The following NOTCH2 variants were observed in gnomAD, a reference collection of about 807,000 sequenced individuals.
NOTCH2 encodes the protein notch receptor 2.
In NOTCH2, 29 loss-of-function variants were observed where a neutral mutation model predicts 235.8. The ratio of observed to expected loss-of-function variants is 0.12; its 90% CI spans 0.09 to 0.17. The LOEUF is 0.17. NOTCH2 is among the 10% of genes least tolerant of loss of function. The probability of loss-of-function intolerance (pLI) is 1.00; values close to 1 mark genes in which losing one functional copy is unlikely to be tolerated. For missense variants in NOTCH2, 2,285 were observed against 3,150.2 expected (o/e 0.73, Z 6.57); for synonymous variants, 1,086 against 1,141.5 (o/e 0.95, Z 0.98).
chr1:120,063,959 G>A (rs1210098529), intron 1 of NOTCH2, among the ~76,000 whole-genome samples: 3 of 152,264 alleles, frequency 2.0e-5, no homozygotes, highest in East Asian at 3.9e-4. Flanking sequence ...CTTTACCTGA[G>A]CAATCACCTC....
chr1:119,938,039 T>A (rs1233739186), intron 19 of NOTCH2, 29 bp from the exon 20 acceptor site: 8 of 1,609,562 alleles, frequency 5.0e-6, no homozygotes, highest in Non-Finnish European at 6.8e-6. Context: ...TGTACATACA[T>A]CAAAATTCAA....
At chr1:119,939,264 T>C (rs1313648966) in intron 19 of NOTCH2, among the ~76,000 whole-genome samples, 1 of 152,144 alleles carries the variant, frequency 6.6e-6, no homozygotes, top group African/African-American at 2.4e-5. Flanking sequence ...CCTGCTGTAG[T>C]CTAATTCCTC....
At chr1:119,954,976 G>C in intron 13 of NOTCH2, 64 bp downstream of exon 13, 2 of 1,546,750 alleles carry the variant, frequency 1.3e-6, no homozygotes, top group South Asian at 1.1e-5. Flanking sequence ...GCTGTCACCA[G>C]TACTACAAGC....
intron 11 of NOTCH2, among the ~76,000 whole-genome samples, chr1:119,962,757 T>C (rs1268347619): frequency 6.6e-6 from 1 of 152,236 alleles, no homozygotes; most frequent in African/African-American, 2.4e-5. Flanking sequence ...TTGGTTAATC[T>C]TCCACTAATA....
chr1:119,941,574 C>G lies in NOTCH2; in HGVS notation c.2933G>C (p.Gly978Ala). The change falls in exon 18 of 34, where the codon GGA becomes GCA. Residue 978 changes from glycine (G) to alanine (A), a missense_variant. This residue lies in a region of NOTCH2 where 1,173 missense variants were observed against 1,515.3 expected (regional missense o/e 0.77). Transcript: ENST00000256646. ...VNSYTCKCQA[G>A]FDGVHCENNI... is the part of the protein sequence containing the mutation. ...GTTCTCACAATGGACTCCATCAAATCCTGCCTGGCACTTGCAAGTGTAACT... is the reference window on the plus strand; with the variant it reads ...GTTCTCACAATGGACTCCATCAAATGCTGCCTGGCACTTGCAAGTGTAACT... 6.2e-7 allele frequency: 1 copy of G among 1,614,212 alleles called. No homozygotes were observed. The highest frequency in any genetic ancestry group is 8.5e-7 in the Non-Finnish European group (1 of 1,180,036).
chr1:120,062,949 G>A (rs587710700), intron 1 of NOTCH2, among the ~76,000 whole-genome samples: 9 of 152,170 alleles, frequency 5.9e-5, no homozygotes, highest in Admixed American at 2.6e-4. Context: ...AGACCACAAC[G>A]TATGTTCTGC....
Position 119,925,324 on chromosome 1 carries a change from C to T in NOTCH2, c.4492G>A (p.Gly1498Arg). The part of the protein sequence containing the change: ...ECLFDNFECQ[G>R]NSKTCKYDKY... ...CCTTACTTGCATGTCTTGCTGTTCC[C>T]CTGGCATTCAAAGTTGTCAAACAGG... Residue 1498 changes from glycine (G) to arginine (R), a missense_variant, in exon 25 of 34, where the codon GGG becomes AGG. Coordinates refer to ENST00000256646, the MANE Select transcript of NOTCH2 (RefSeq NM_024408.4). 1 of 1,613,944 alleles carries T rather than the reference C, an allele frequency of 6.2e-7. No homozygotes were observed. The highest frequency in any genetic ancestry group is 8.5e-7 in the Non-Finnish European group (1 of 1,180,040).
intron 1 of NOTCH2, among the ~76,000 whole-genome samples, chr1:120,041,041 C>CAA (rs71586698): frequency 0.018 from 288 of 15,640 alleles, 24 homozygotes; most frequent in Non-Finnish European, 0.026. Flanking sequence ...ACTCTGCCTG[C>CAA]AAAAAAAAAA....
intron 4 of NOTCH2, 120 bp from the exon 5 acceptor site, chr1:119,987,202 C>T (rs1652053596): frequency 1.7e-6 from 2 of 1,158,228 alleles, no homozygotes; most frequent in Non-Finnish European, 2.5e-6. Context: ...TCAACAGCTG[C>T]TCACCCAGGA....
chr1:119,981,430 T>C (rs1444911124), intron 5 of NOTCH2, among the ~76,000 whole-genome samples: 4 of 152,204 alleles, frequency 2.6e-5, no homozygotes, highest in Non-Finnish European at 4.4e-5. Context: ...ATATATTCCA[T>C]GTAGTAGTTG....
Position 119,980,357 on chromosome 1 carries a change from A to G in NOTCH2, c.874+6603T>C, listed in dbSNP as rs984030688. Among the ~76,000 whole-genome samples the G allele has an allele frequency of 5.3e-5, 8 of 152,238 alleles. No individual in the cohort carries two copies. The South Asian group carries it at 1.7e-3, about 32-fold the overall frequency. On this transcript the variant is annotated intron_variant, in intron 5 of 33. Transcript: ENST00000256646. ...TCCCAATAATCCACTTCATTAGCCA[A>G]CGCCCTTTGAGCTGCCTTACTCTTA...
chr1:119,950,981 T>C, intron 14 of NOTCH2, 144 bp from the exon 15 acceptor site: 1 of 701,576 alleles, frequency 1.4e-6, no homozygotes, highest in Non-Finnish European at 2.6e-6. Context: ...TGTTCATTCA[T>C]TTCAGCCCCA....
intron 3 of NOTCH2, among the ~76,000 whole-genome samples, chr1:120,004,182 C>T (rs375724393): frequency 0.013 from 1,940 of 152,102 alleles, 18 homozygotes; most frequent in Non-Finnish European, 0.019. Context: ...TGAGAGATAA[C>T]ATGGCCCTCA....
At chr1:120,039,031 T>G (rs1317300035) in intron 1 of NOTCH2, among the ~76,000 whole-genome samples, 1 of 148,092 alleles carries the variant, frequency 6.8e-6, no homozygotes, top group African/African-American at 2.6e-5. Context: ...GGAAAATTCA[T>G]TGTATAGTAT....
rs1262243342 is a variant in NOTCH2 at position 119,923,934 on chromosome 1, C to T, written c.4562G>A (p.Gly1521Glu). ...CCAACCACACTCCTCACTGTTGCAC[C>T]CCTGGTCACAGTGGTTGTCTTTGAA... ...DHFKDNHCDQ[G>E]CNSEECGWDG... The change falls in exon 26 of 34, where the codon GGG (glycine) becomes GAG (glutamate). Residue 1521 changes from glycine (G) to glutamate (E), a missense_variant. By Grantham distance (98) the Gly-to-Glu change is moderately conservative. Around this residue, in one of 6 missense-constraint regions of NOTCH2, gnomAD observed 1,173 missense variants for 1,515.3 expected, o/e 0.77. Coordinates refer to ENST00000256646, the MANE Select transcript of NOTCH2 (RefSeq NM_024408.4). The T allele has an allele frequency of 4.3e-6, 7 of 1,614,136 alleles. No individual in the cohort carries two copies. The highest frequency in any genetic ancestry group is 5.1e-6 in the Non-Finnish European group (6 of 1,180,028).
intron 2 of NOTCH2, among the ~76,000 whole-genome samples, chr1:120,006,285 TA>T (rs1652973104): frequency 6.6e-6 from 1 of 152,076 alleles, no homozygotes; most frequent in Non-Finnish European, 1.5e-5. Context: ...TTTAACCAAA[TA>T]AAAAGGCACA....
At chr1:120,001,841 G>C (rs1652766406) in intron 3 of NOTCH2, among the ~76,000 whole-genome samples, 2 of 152,112 alleles carry the variant, frequency 1.3e-5, no homozygotes, top group African/African-American at 2.4e-5. Flanking sequence ...TGCAGCAGTG[G>C]GCTCATGCTC....
At chr1:119,951,805 G>A (rs587683899) in intron 14 of NOTCH2, among the ~76,000 whole-genome samples, 2 of 152,344 alleles carry the variant, frequency 1.3e-5, no homozygotes, top group South Asian at 4.1e-4. Context: ...GGAATGCAGA[G>A]GTATGGGTTC....
chr1:119,944,533 TAAAAAA>T (rs59660919), intron 17 of NOTCH2, among the ~76,000 whole-genome samples: 1 of 63,186 alleles, frequency 1.6e-5, no homozygotes, highest in Non-Finnish European at 3.1e-5. Flanking sequence ...AGACTCAGTC[TAAAAAA>T]AAAAAAAAAA....
Sources: gnomAD v4.1 joint callset for allele counts (sites outside exome capture counted in the v4.1 genomes callset) on GRCh38, gnomAD v4.1.1 for gene constraint, gnomAD v4.1.1 regional missense constraint, MANE v1.5 for transcripts, NCBI Gene and HGNC (gene_info 2026-07-23, HGNC 2026-07-21) for gene names.